SHTN1: variants seen among roughly 807,000 people sequenced by gnomAD.
SHTN1 encodes shootin-1.
SHTN1 carries 42 observed loss-of-function variants against 83.1 expected under a neutral mutation model. That is an observed-to-expected ratio of 0.51 (90% CI 0.39 to 0.65). The LOEUF (loss-of-function observed/expected upper bound fraction) is 0.65. Ranked by LOEUF, SHTN1 falls within the 30% of genes least tolerant of loss-of-function variation. SHTN1 has a pLI of 0.00. For synonymous variants in SHTN1, 224 were observed against 247.7 expected (o/e 0.90, Z 0.90); for missense variants, 622 against 737.8 (o/e 0.84, Z 1.82).
intron 16 of SHTN1, among the ~76,000 whole-genome samples, chr10:116,888,558 C>CTG (rs1847235549): frequency 6.6e-6 from 1 of 152,192 alleles, no homozygotes; most frequent in Non-Finnish European, 1.5e-5. Flanking sequence ...CTATCTCTCT[C>CTG]TCACAAGCAC....
intron 12 of SHTN1, among the ~76,000 whole-genome samples, chr10:116,916,895 A>T (rs918151569): frequency 1.3e-5 from 2 of 152,158 alleles, no homozygotes; most frequent in Non-Finnish European, 2.9e-5. Flanking sequence ...GAGAATTAAA[A>T]CCTCTCAACA....
chr10:117,118,802 G>C (rs1853885843), intron 1 of SHTN1, among the ~76,000 whole-genome samples: 1 of 152,198 alleles, frequency 6.6e-6, no homozygotes, highest in East Asian at 1.9e-4. Context: ...AGGAGGGAGA[G>C]CATCAGGAAG....
chr10:116,983,013 T>C (rs772934562), intron 1 of SHTN1, among the ~76,000 whole-genome samples: 5 of 151,854 alleles, frequency 3.3e-5, no homozygotes, highest in Admixed American at 6.6e-5. Context: ...ATATGAAAGA[T>C]AGCTGCAGCT....
Position 116,881,598 on chromosome 10 carries a change from G to C in SHTN1, c.*4746C>G. 1.9e-6 allele frequency: 3 copies of C among 1,550,412 alleles called. No homozygotes were observed. The highest frequency in any genetic ancestry group is 2.6e-6 in the Non-Finnish European group (3 of 1,146,890). On this transcript the variant is annotated 3_prime_UTR_variant, in exon 17 of 17. Coordinates refer to ENST00000355371, the MANE Select transcript of SHTN1 (RefSeq NM_001127211.3). The stretch of plus-strand genomic sequence containing the variant: ...GGCACTTGAGGCTGCTGCGGCTAGG[G>C]AGCCGCTGGTGCCCACCTTCCCCAC...
At chr10:116,977,394 C>A (rs186076728) in intron 2 of SHTN1, among the ~76,000 whole-genome samples, 4 of 152,086 alleles carry the variant, frequency 2.6e-5, no homozygotes, top group Admixed American at 6.6e-5. Context: ...GGAGCAGCTA[C>A]GAAAGAGACT....
chr10:116,895,032 C>T (rs1440576951), intron 16 of SHTN1, among the ~76,000 whole-genome samples: 4 of 152,090 alleles, frequency 2.6e-5, no homozygotes, highest in Non-Finnish European at 5.9e-5. Context: ...AGGTGTTAAC[C>T]AGTAATTGAC....
chr10:116,902,492 A>G (rs1435599273), intron 15 of SHTN1, among the ~76,000 whole-genome samples: 1 of 152,226 alleles, frequency 6.6e-6, no homozygotes, highest in Non-Finnish European at 1.5e-5. Flanking sequence ...CAGACACAAA[A>G]TCATAAAAAT....
chr10:117,071,233 C>T (rs986433691), intron 1 of SHTN1, among the ~76,000 whole-genome samples: 1 of 152,070 alleles, frequency 6.6e-6, no homozygotes, highest in Non-Finnish European at 1.5e-5. Flanking sequence ...ATGTTTGACA[C>T]TTTGCATTGG....
At chr10:116,960,730 T>G (rs1177611192) in intron 3 of SHTN1, among the ~76,000 whole-genome samples, 1 of 152,196 alleles carries the variant, frequency 6.6e-6, no homozygotes, top group Admixed American at 6.5e-5. Context: ...ACTGCAACAT[T>G]TGTCTCTATT....
In SHTN1 at chr10:117,055,529, GCACAACA is replaced by G. The variant is rs1451821078; in HGVS notation, c.-188-7026_-188-7020del. On this transcript the variant is annotated intron_variant, in intron 1 of 17. Coordinates refer to the SHTN1 transcript ENST00000392901. ...CTGGAACCAGATAGTGGTGCTTGTTGCACAACACTGTGAGTGTACTAAATGCTACTGA... is the reference window on the plus strand; with the variant it reads ...CTGGAACCAGATAGTGGTGCTTGTTGCTGTGAGTGTACTAAATGCTACTGA... 2.3e-3 allele frequency among the ~76,000 whole-genome samples: 343 copies of G among 152,262 alleles called. 1 individual carries two copies. Among genetic ancestry groups the G allele is most frequent in the African/African-American group, 7.9e-3 (327 of 41,550 alleles).
chr10:116,993,961 A>C (rs1014614484), intron 1 of SHTN1, among the ~76,000 whole-genome samples: 3 of 152,158 alleles, frequency 2.0e-5, no homozygotes, highest in Non-Finnish European at 4.4e-5. Flanking sequence ...AAAGAAACTA[A>C]AGATATCTGA....
intron 1 of SHTN1, among the ~76,000 whole-genome samples, chr10:117,074,677 A>G (rs1019215095): frequency 3.9e-5 from 6 of 152,232 alleles, no homozygotes; most frequent in Non-Finnish European, 8.8e-5. Flanking sequence ...AACCCATGCC[A>G]TTTCTATTGG....
At chr10:116,938,769 G>A (rs576894518) in intron 9 of SHTN1, among the ~76,000 whole-genome samples, 1 of 152,224 alleles carries the variant, frequency 6.6e-6, no homozygotes, top group East Asian at 1.9e-4. Flanking sequence ...GCCCACAGCC[G>A]CCTCTTTCCC....
At chr10:117,051,999 C>T (rs1392798409) in intron 1 of SHTN1, among the ~76,000 whole-genome samples, 24 of 34,118 alleles carry the variant, frequency 7.0e-4, no homozygotes, top group South Asian at 1.2e-3. Flanking sequence ...ATGACATAAT[C>T]ATATATATAT....
chr10:117,056,924 A>G (rs1852833759), intron 1 of SHTN1, among the ~76,000 whole-genome samples: 1 of 152,232 alleles, frequency 6.6e-6, no homozygotes, highest in African/African-American at 2.4e-5. Context: ...CCTACAGATG[A>G]AAGACTGAAT....
At chr10:116,898,080 C>T (rs901358756) in intron 16 of SHTN1, among the ~76,000 whole-genome samples, 3 of 152,116 alleles carry the variant, frequency 2.0e-5, no homozygotes, top group Admixed American at 6.5e-5. Flanking sequence ...GTAATCCCAG[C>T]ACTTTGGGAG....
chr10:117,015,772 T>G (rs983930083), intron 2 of SHTN1, among the ~76,000 whole-genome samples: 4 of 152,230 alleles, frequency 2.6e-5, no homozygotes, highest in Non-Finnish European at 4.4e-5. Context: ...TGTTTGGTTT[T>G]CAATTCAAAT....
At chr10:117,100,023 T>C (rs1853565784) in intron 1 of SHTN1, among the ~76,000 whole-genome samples, 1 of 151,528 alleles carries the variant, frequency 6.6e-6, no homozygotes, top group Non-Finnish European at 1.5e-5. Context: ...ACTAAAAATA[T>C]AAAATTAGCC....
At chr10:117,071,411 C>T (rs1270884453) in intron 1 of SHTN1, among the ~76,000 whole-genome samples, 1 of 152,158 alleles carries the variant, frequency 6.6e-6, no homozygotes, top group African/African-American at 2.4e-5. Flanking sequence ...TATGCTAGGA[C>T]CGCTAATAGC....
Sources: gnomAD v4.1 joint callset for allele counts (sites outside exome capture counted in the v4.1 genomes callset) on GRCh38, gnomAD v4.1.1 for gene constraint, MANE v1.5 for transcripts, NCBI Gene and HGNC (gene_info 2026-07-23, HGNC 2026-07-21) for gene names.